ZKSCAN1: variants seen among roughly 807,000 people sequenced by gnomAD.
ZKSCAN1 encodes the protein zinc finger with KRAB and SCAN domains 1.
ZKSCAN1 carries 14 observed loss-of-function variants against 51.6 expected under a neutral mutation model. The ratio of observed to expected loss-of-function variants is 0.27; its 90% confidence interval spans 0.18 to 0.42. The LOEUF (loss-of-function observed/expected upper bound fraction) is 0.42, where lower values mean the gene tolerates loss of function less well. ZKSCAN1 is among the 10% of genes least tolerant of loss of function. The pLI, the probability that ZKSCAN1 is intolerant of heterozygous loss-of-function variation, is 1.00. For missense variants in ZKSCAN1, 531 were observed against 710.0 expected (o/e 0.75, Z 2.86); for synonymous variants, 263 against 261.5 (o/e 1.01, Z -0.06).
rs60390216 is a variant in ZKSCAN1, at chr7:100,031,273, A to ATTT, written c.799+920_799+922dup. ...TGGTACTTGCTCTTTGTACTAGATGATTTTTTTTTTTTTTTTTTTTTTTTG... is the reference window on the plus strand; with the variant it reads ...TGGTACTTGCTCTTTGTACTAGATGATTTTTTTTTTTTTTTTTTTTTTTTTTTG... On this transcript the variant is annotated intron_variant, in intron 5 of 5. Coordinates refer to ENST00000324306, the MANE Select transcript of ZKSCAN1 (RefSeq NM_003439.4). 7.1e-3 allele frequency among the ~76,000 whole-genome samples: 631 copies of ATTT among 89,476 alleles called. 21 individuals are homozygous for ATTT. The highest frequency in any genetic ancestry group is 0.014 in the East Asian group (43 of 3,116). The allele number at this position is 89,476 out of a possible 152,430, so 58.7% of individuals were successfully genotyped here.
downstream of ZKSCAN1, chr7:100,045,097 G>A: frequency 1.7e-6 from 1 of 572,062 alleles, no homozygotes; most frequent in Non-Finnish European, 2.2e-6. Flanking sequence ...AAGGGCACTG[G>A]AATTATTTTT....
At chr7:100,025,011 T>C (rs559568604) in intron 3 of ZKSCAN1, 181 of 151,552 alleles carry the variant, frequency 1.2e-3, no homozygotes, top group African/African-American at 4.1e-3. Flanking sequence ...TATTACCAAA[T>C]ATTGGGGAAA....
At chr7:100,017,292 G>A (rs909909410) in intron 1 of ZKSCAN1, among the ~76,000 whole-genome samples, 2 of 151,804 alleles carry the variant, frequency 1.3e-5, no homozygotes, top group African/African-American at 2.4e-5. Context: ...GTGCGATCTC[G>A]GCTTACTGCA....
At chr7:100,020,478 C>T (rs767812790) in intron 1 of ZKSCAN1, among the ~76,000 whole-genome samples, 18 of 151,640 alleles carry the variant, frequency 1.2e-4, no homozygotes, top group Non-Finnish European at 2.5e-4. Flanking sequence ...GGCAGGGAAC[C>T]AAAGAAAGGA....
chr7:100,019,814 G>A (rs1790524510), intron 1 of ZKSCAN1, among the ~76,000 whole-genome samples: 1 of 152,010 alleles, frequency 6.6e-6, no homozygotes, highest in African/African-American at 2.4e-5. Flanking sequence ...CAACTCTCCT[G>A]CCTCAGCCTC....
rs532856250 is a variant in ZKSCAN1, at chr7:100,033,833, G to A, written c.1328G>A (p.Ser443Asn). The change falls in exon 6 of 6, where the codon AGC becomes AAC. Residue 443 changes from serine to asparagine, a missense_variant. Physicochemically the swap from Ser to Asn is conservative, Grantham distance 46 (BLOSUM62 1). Coordinates refer to ENST00000324306, the MANE Select transcript of ZKSCAN1 (RefSeq NM_003439.4). This position sits in a 1 kb window ranked among gnomAD's most constrained non-coding sequence, Gnocchi z 4.1. ...TGTAACGAGTGTGGCAAGGCCTTCA[G>A]CCACAGTTCCAATCTCATCCTCCAT... ...HECNECGKAFSHSSNLILHQR... is the reference protein window; with the variant it reads ...HECNECGKAFNHSSNLILHQR... 3 of 1,613,816 alleles carry A rather than the reference G, an allele frequency of 1.9e-6. No individual in the cohort carries two copies. The highest frequency in any genetic ancestry group is 2.5e-6 in the Non-Finnish European group (3 of 1,179,986).
Position 100,039,723 on chromosome 7 carries a change from G to A in ZKSCAN1, c.*5526G>A. 4.1e-6 allele frequency: 4 copies of A among 985,388 alleles called. No homozygotes were observed. The highest frequency in any genetic ancestry group is 4.8e-6 in the Non-Finnish European group (4 of 829,946). The allele number at this position is 985,388 out of a possible 1,614,324, so 61.0% of individuals were successfully genotyped here. A position where few individuals can be genotyped will look rare whatever the true frequency, so the allele number is the denominator to read the frequency against. ...GAAATACACTTAAACAGTGACAGCA[G>A]TACTTCCCAGGGTGGGGGCCATATT... is the stretch of plus-strand genomic sequence containing the variant. On this transcript the variant is annotated 3_prime_UTR_variant, in exon 6 of 6. Coordinates refer to ENST00000324306, the MANE Select transcript of ZKSCAN1 (RefSeq NM_003439.4).
rs758664117 is a variant in ZKSCAN1, at chr7:100,024,291, C to A, written c.564C>A (p.Arg188=). 1 of 1,614,034 alleles carries A rather than the reference C, an allele frequency of 6.2e-7. No individual in the cohort carries two copies. The highest frequency in any genetic ancestry group is 8.5e-7 in the Non-Finnish European group (1 of 1,180,020). The change falls in exon 3 of 6, where the codon CGC becomes CGA. Residue 188 remains arginine, a synonymous_variant. Transcript: ENST00000324306. ...TCAAACATTCGTCTCGGAAACCCCG[C>A]CTCTTACAGTCACGAGGTAAGAAGC... ...SHFKHSSRKP[R]LLQSRALPAA... is the part of the protein sequence containing the mutation.
Position 100,037,646 on chromosome 7 carries a change from G to A in ZKSCAN1, c.*3449G>A. Reference sequence around the variant, plus strand: ...TATGTGAGGAAAACTTTCATGTATAGCACTCATTGCTTCAGACAGAAAATG... The same window carrying A: ...TATGTGAGGAAAACTTTCATGTATAACACTCATTGCTTCAGACAGAAAATG... On this transcript the variant is annotated 3_prime_UTR_variant, in exon 6 of 6. Transcript: ENST00000324306. 1 of 985,452 alleles carries A rather than the reference G, an allele frequency of 1.0e-6. No homozygotes were observed. The highest frequency in any genetic ancestry group is 1.2e-6 in the Non-Finnish European group (1 of 829,926). The allele number at this position is 985,452 out of a possible 1,614,324, so 61.0% of individuals were successfully genotyped here. A position where few individuals can be genotyped will look rare whatever the true frequency, so the allele number is the denominator to read the frequency against.
intron 1 of ZKSCAN1, among the ~76,000 whole-genome samples, chr7:100,016,129 C>CT (rs925152557): frequency 2.0e-5 from 3 of 151,504 alleles, no homozygotes; most frequent in South Asian, 2.1e-4. Flanking sequence ...GGTGAGGTGT[C>CT]TTTTTCCCCC....
rs970877797 is a variant in ZKSCAN1, at chr7:100,034,696, A to G, written c.*499A>G. 3 of 361,838 alleles carry G rather than the reference A, an allele frequency of 8.3e-6. No individual in the cohort carries two copies. The highest frequency in any genetic ancestry group is 1.2e-5 in the Non-Finnish European group (3 of 258,638). 22.4% of individuals were successfully genotyped at this position (361,838 alleles called of 1,614,324 possible). ...GACATGCTGCTCAAGGTAGTTATAT[A>G]TACGATAAGTTGTATATATGATCAC... On this transcript the variant is annotated 3_prime_UTR_variant, in exon 6 of 6. Transcript: ENST00000324306.
At chr7:100,017,587 G>C (rs1790422239) in intron 1 of ZKSCAN1, among the ~76,000 whole-genome samples, 1 of 152,192 alleles carries the variant, frequency 6.6e-6, no homozygotes, top group South Asian at 2.1e-4. Context: ...CACAGCCTTT[G>C]AGCTTGTAAC....
In ZKSCAN1 at chr7:100,040,301, T is replaced by C. The variant is rs1791540725; in HGVS notation, c.*6104T>C. The C allele has an allele frequency of 1.0e-6, 1 of 985,454 alleles. No individual in the cohort carries two copies. Among genetic ancestry groups the C allele is most frequent in the East Asian group, 1.1e-4 (1 of 8,812 alleles). 61.0% of individuals were successfully genotyped at this position (985,454 alleles called of 1,614,324 possible). A position where few individuals can be genotyped will look rare whatever the true frequency, so the allele number is the denominator to read the frequency against. On this transcript the variant is annotated 3_prime_UTR_variant, in exon 6 of 6. Coordinates refer to ENST00000324306, the MANE Select transcript of ZKSCAN1 (RefSeq NM_003439.4). ...AAACAGTGGAAGGAAACTGGGTGTT[T>C]GGTAGACTTCTAAATCATGGTCTCT...
rs115633300 is a variant in ZKSCAN1, at chr7:100,020,821, A to T, written c.-88-2598A>T. Among the ~76,000 whole-genome samples, 687 of 152,318 alleles carry T rather than the reference A, an allele frequency of 4.5e-3. 7 individuals carry two copies. Among genetic ancestry groups the T allele is most frequent in the African/African-American group, 0.015 (639 of 41,576 alleles). On this transcript the variant is annotated intron_variant, in intron 1 of 5. Transcript: ENST00000324306. Reference sequence around the variant, plus strand: ...AGCAGTTTAATGGTCTGTTTCTAAAACTTCAATTTGATGCTTAGTTTTGAT... The same window carrying T: ...AGCAGTTTAATGGTCTGTTTCTAAATCTTCAATTTGATGCTTAGTTTTGAT...
chr7:100,016,137 C>G (rs1250881230), intron 1 of ZKSCAN1, among the ~76,000 whole-genome samples: 4 of 152,130 alleles, frequency 2.6e-5, no homozygotes, highest in Admixed American at 6.5e-5. Context: ...GTCTTTTTCC[C>G]CCCCCGGTTC....
rs1041582773 is a variant in ZKSCAN1 at position 100,040,925 on chromosome 7, C to T, written c.*6728C>T. 16 of 984,996 alleles carry T rather than the reference C, an allele frequency of 1.6e-5. No individual in the cohort carries two copies. Among genetic ancestry groups the T allele is most frequent in the Non-Finnish European group, 1.8e-5 (15 of 829,892 alleles). The allele number at this position is 984,996 out of a possible 1,614,324, so 61.0% of individuals were successfully genotyped here. The stretch of plus-strand genomic sequence containing the variant: ...ATGATGGGGGTGGGGTGGGAGGAGA[C>T]AGGTTGTGGTTATGCAGGAAAATCT... On this transcript the variant is annotated 3_prime_UTR_variant, in exon 6 of 6. Transcript: ENST00000324306.
chr7:100,018,728 T>A (rs1790477754), intron 1 of ZKSCAN1, among the ~76,000 whole-genome samples: 1 of 152,130 alleles, frequency 6.6e-6, no homozygotes, highest in Admixed American at 6.5e-5. Flanking sequence ...TGAAGAGTAT[T>A]AGGGCCTTTA....
At chr7:100,030,940 G>C (rs1791079065) in intron 5 of ZKSCAN1, among the ~76,000 whole-genome samples, 1 of 152,158 alleles carries the variant, frequency 6.6e-6, no homozygotes. Flanking sequence ...AAACTTAATG[G>C]TGATTTTCTA....
chr7:100,019,039 A>G (rs998960613), intron 1 of ZKSCAN1, among the ~76,000 whole-genome samples: 3 of 152,176 alleles, frequency 2.0e-5, no homozygotes, highest in Non-Finnish European at 2.9e-5. Context: ...TGGGCTCGCT[A>G]TCACACTAGT....
Sources: gnomAD v4.1 joint callset for allele counts (sites outside exome capture counted in the v4.1 genomes callset) on GRCh38, gnomAD v4.1.1 for gene constraint, Gnocchi (gnomAD v3.1) non-coding constraint, MANE v1.5 for transcripts, NCBI Gene and HGNC (gene_info 2026-07-23, HGNC 2026-07-21) for gene names.